KREMEN1: variants seen among roughly 807,000 people sequenced by gnomAD.
KREMEN1 encodes the protein kremen protein 1.
Under a neutral mutation model 46.5 loss-of-function variants are expected in KREMEN1, and 30 were observed. That is an observed-to-expected ratio of 0.65 (90% confidence interval 0.48 to 0.88). The LOEUF (loss-of-function observed/expected upper bound fraction) is 0.88, where lower values mean the gene tolerates loss of function less well. KREMEN1 is among the 40% of genes least tolerant of loss of function. The pLI is 0.00. For missense variants in KREMEN1, 533 were observed against 596.9 expected (o/e 0.89, Z 1.11); for synonymous variants, 214 against 230.6 (o/e 0.93, Z 0.65).
At chr22:29,100,009 T>G (rs1414825959) in intron 3 of KREMEN1, among the ~76,000 whole-genome samples, 1 of 152,086 alleles carries the variant, frequency 6.6e-6, no homozygotes, top group African/African-American at 2.4e-5. Flanking sequence ...CTCAACTGAT[T>G]GTTCAGTCAG....
At chr22:29,119,584 G>A (rs546984177) in intron 3 of KREMEN1, among the ~76,000 whole-genome samples, 4 of 152,262 alleles carry the variant, frequency 2.6e-5, no homozygotes, top group Admixed American at 1.3e-4. Context: ...GAAAATTCCC[G>A]GAGAGTTGCT....
chr22:29,094,571 TTACA>T (rs1569316055), intron 2 of KREMEN1, 151 bp downstream of exon 2: 1 of 340,280 alleles, frequency 2.9e-6, no homozygotes, highest in Non-Finnish European at 5.0e-6. Flanking sequence ...CTTTCACACC[TTACA>T]CACACACACA....
chr22:29,095,755 G>A (rs1051251907), intron 2 of KREMEN1, among the ~76,000 whole-genome samples: 1 of 152,008 alleles, frequency 6.6e-6, no homozygotes, highest in Non-Finnish European at 1.5e-5. Flanking sequence ...AAGTCACCAG[G>A]CCTTTAGTCT....
chr22:29,098,191 A>T (rs113688518), intron 2 of KREMEN1, among the ~76,000 whole-genome samples: 2,395 of 152,250 alleles, frequency 0.016, 43 homozygotes, highest in African/African-American at 0.044. Flanking sequence ...GTCTCAAAAA[A>T]AAAAAAGCCT....
intron 1 of KREMEN1, among the ~76,000 whole-genome samples, chr22:29,091,566 G>T (rs1445636165): frequency 6.6e-6 from 1 of 152,204 alleles, no homozygotes; most frequent in African/African-American, 2.4e-5. Flanking sequence ...CAATTGGCAA[G>T]GGTTGGCTGA....
intron 3 of KREMEN1, among the ~76,000 whole-genome samples, chr22:29,104,096 A>C (rs2077640267): frequency 6.6e-6 from 1 of 152,006 alleles, no homozygotes; most frequent in East Asian, 1.9e-4. Flanking sequence ...ATAAAGAGTA[A>C]ATAAACACAG....
intron 1 of KREMEN1, among the ~76,000 whole-genome samples, chr22:29,089,151 C>T (rs374758098): frequency 1.8e-4 from 28 of 152,278 alleles, no homozygotes; most frequent in African/African-American, 6.7e-4. Context: ...TAGCCTCAGC[C>T]TTTTTCCTCA....
In KREMEN1 at chr22:29,153,943, G is replaced by A. The variant is rs144731862; in HGVS notation, c.1416+11843G>A. ...GCCGAGATCTAGTCACTGCACTCCA[G>A]CCTGGGTAACGGCAAGACTTCCTCT... On this transcript the variant is annotated intron_variant, in intron 9 of 9. Coordinates refer to the KREMEN1 transcript ENST00000327813. 9.0e-3 allele frequency among the ~76,000 whole-genome samples: 1,327 copies of A among 147,700 alleles called. 13 individuals carry two copies. Among genetic ancestry groups the A allele is most frequent in the African/African-American group, 0.032 (1,267 of 40,038 alleles).
At chr22:29,163,058 A>T (rs546983549) in intron 9 of KREMEN1, among the ~76,000 whole-genome samples, 9 of 152,068 alleles carry the variant, frequency 5.9e-5, no homozygotes, top group Non-Finnish European at 1.0e-4. Context: ...TCTCATCTCG[A>T]ATCGTAATCC....
chr22:29,141,226 C>CGTGTGT (rs132278), intron 8 of KREMEN1, among the ~76,000 whole-genome samples: 8 of 148,622 alleles, frequency 5.4e-5, no homozygotes, highest in Non-Finnish European at 7.5e-5. Context: ...ATAATGTCCT[C>CGTGTGT]GTGTGTGTGT....
intron 9 of KREMEN1, among the ~76,000 whole-genome samples, chr22:29,156,331 T>C (rs982708076): frequency 3.3e-5 from 5 of 152,248 alleles, no homozygotes; most frequent in Admixed American, 3.3e-4. Flanking sequence ...CCAGGCCCCC[T>C]GGGCCACTTG....
intron 4 of KREMEN1, among the ~76,000 whole-genome samples, chr22:29,124,966 T>C (rs1246686884): frequency 6.6e-6 from 1 of 152,248 alleles, no homozygotes; most frequent in Non-Finnish European, 1.5e-5. Flanking sequence ...AATGTTTAGC[T>C]GTTACTCACA....
chr22:29,134,131 A>G (rs921589178), intron 5 of KREMEN1: 3 of 151,526 alleles, frequency 2.0e-5, no homozygotes, highest in Admixed American at 6.6e-5. Flanking sequence ...AAAAAAATTC[A>G]TCTCCAATAT....
rs2038795527 is a variant in KREMEN1, at chr22:29,143,120, A to G, written c.*1008A>G. ...AGCCGAGATCGCACCACTGCACTCC[A>G]GCCTGGGTGACAAGAGTGAGACTCT... On this transcript the variant is annotated 3_prime_UTR_variant, in exon 9 of 9. Transcript: ENST00000400335. 2.6e-5 allele frequency: 23 copies of G among 869,052 alleles called. No individual in the cohort carries two copies. Among genetic ancestry groups the G allele is most frequent in the African/African-American group, 3.6e-5 (2 of 54,904 alleles). 53.8% of individuals were successfully genotyped at this position (869,052 alleles called of 1,614,324 possible). A position where few individuals can be genotyped will look rare whatever the true frequency, so the allele number is the denominator to read the frequency against.
At position 29,146,165 on chromosome 22, in the gene KREMEN1, C is replaced by T. The variant is rs1231288123; in HGVS notation, c.*4053C>T. The T allele has an allele frequency of 1.3e-5, 13 of 983,308 alleles. No homozygotes were observed. The highest frequency in any genetic ancestry group is 1.1e-4 in the East Asian group (1 of 8,774). 60.9% of individuals were successfully genotyped at this position (983,308 alleles called of 1,614,324 possible). A position where few individuals can be genotyped will look rare whatever the true frequency, so the allele number is the denominator to read the frequency against. ...AGATCTCCCGTGTGGTGTTTGATGT[C>T]GGCTTTTGTTCCTACCTTGGGAGTT... On this transcript the variant is annotated 3_prime_UTR_variant, in exon 9 of 9. Coordinates refer to ENST00000400335, the MANE Select transcript of KREMEN1 (RefSeq NM_001039570.3).
intron 5 of KREMEN1, among the ~76,000 whole-genome samples, chr22:29,135,051 C>G (rs1462959327): frequency 6.6e-6 from 1 of 152,174 alleles, no homozygotes; most frequent in Non-Finnish European, 1.5e-5. Flanking sequence ...TCAGCATTCC[C>G]ACACCCTTCT....
At chr22:29,138,536 C>T (rs181945391) in intron 6 of KREMEN1, 88 bp from the exon 7 acceptor site, 76 of 1,331,990 alleles carry the variant, frequency 5.7e-5, no homozygotes, top group Admixed American at 4.7e-4. Flanking sequence ...CAGAGAAGAA[C>T]TCTTCTTCAT....
At position 29,131,594 on chromosome 22, in the gene KREMEN1, GTA is replaced by G. The variant is rs1405063311; in HGVS notation, c.632-5744_632-5743del. Among the ~76,000 whole-genome samples the G allele has an allele frequency of 1.1e-3, 130 of 121,828 alleles. 2 individuals carry two copies. The highest frequency in any genetic ancestry group is 2.7e-3 in the Admixed American group (32 of 12,018). The allele number at this position is 121,828 out of a possible 152,430, so 79.9% of individuals were successfully genotyped here. ...TGTGTGTGTGTGTGTGTGTGTGTGTGTATATGTATATATGTGTGTATATATAT... is the reference window on the plus strand; with the variant it reads ...TGTGTGTGTGTGTGTGTGTGTGTGTGTATGTATATATGTGTGTATATATAT... On this transcript the variant is annotated intron_variant, in intron 5 of 8. Coordinates refer to ENST00000400335, the MANE Select transcript of KREMEN1 (RefSeq NM_001039570.3).
intron 1 of KREMEN1, among the ~76,000 whole-genome samples, chr22:29,090,139 C>T (rs965288521): frequency 2.6e-5 from 4 of 152,242 alleles, no homozygotes; most frequent in African/African-American, 7.2e-5. Context: ...ATTTGCTGAA[C>T]TAATTAATGA....
Sources: gnomAD v4.1 joint callset for allele counts (sites outside exome capture counted in the v4.1 genomes callset) on GRCh38, gnomAD v4.1.1 for gene constraint, MANE v1.5 for transcripts, NCBI Gene and HGNC (gene_info 2026-07-23, HGNC 2026-07-21) for gene names.